ZNF236: variants seen among roughly 807,000 people sequenced by gnomAD.
ZNF236 encodes regulated by glucose.
ZNF236 carries 50 observed loss-of-function variants against 191.2 expected under a neutral mutation model. The ratio of observed to expected loss-of-function variants is 0.26; its 90% CI spans 0.21 to 0.33. The LOEUF (loss-of-function observed/expected upper bound fraction) is 0.33. Ranked by LOEUF, ZNF236 falls within the 10% of genes least tolerant of loss-of-function variation. ZNF236 has a pLI of 1.00. For synonymous variants in ZNF236, 907 were observed against 928.8 expected (o/e 0.98, Z 0.43); for missense variants, 1,754 against 2,374.5 (o/e 0.74, Z 5.43).
In ZNF236 at chr18:76,847,678, C is replaced by G. The variant is rs188638302; in HGVS notation, c.56-1848C>G. Among the ~76,000 whole-genome samples the G allele has an allele frequency of 4.1e-3, 623 of 152,174 alleles. 4 individuals carry two copies. Among genetic ancestry groups the G allele is most frequent in the Middle Eastern group, 6.8e-3 (2 of 294 alleles). ...TAGAGACAGGGTTTCACCGTGTTAG[C>G]CAGGATGGTCTTGATCTCCTGACTT... On this transcript the variant is annotated intron_variant, in intron 1 of 30. Coordinates refer to ENST00000320610, the MANE Select transcript of ZNF236 (RefSeq NM_001306089.2).
intron 1 of ZNF236, chr18:76,840,868 T>G (rs1242195131): frequency 6.7e-6 from 1 of 150,320 alleles, no homozygotes; most frequent in African/African-American, 2.5e-5. Flanking sequence ...TCGCCCAGGC[T>G]GGAGTGCAGT....
At position 76,828,913 on chromosome 18, in the gene ZNF236, C is replaced by T. The variant is rs554447887; in HGVS notation, c.55+6251C>T. Among the ~76,000 whole-genome samples, 42 of 152,204 alleles carry T rather than the reference C, an allele frequency of 2.8e-4. 1 individual carries two copies. Among genetic ancestry groups the T allele is most frequent in the African/African-American group, 9.9e-4 (41 of 41,546 alleles). On this transcript the variant is annotated intron_variant, in intron 1 of 30. Transcript: ENST00000320610. ...AACTCCTGAGCCAGGCAATCTGCCCCGCTTGGCCTCCCAGTGTTAGGATTA... is the reference window on the plus strand; with the variant it reads ...AACTCCTGAGCCAGGCAATCTGCCCTGCTTGGCCTCCCAGTGTTAGGATTA...
rs1976835775 is a variant in ZNF236 at position 76,880,023 on chromosome 18, G to GA, written c.985-89dup. ...ACTCTTAGATTTTAACACCCTTAAGGAGGGTATTGCCTGTTTTTTTTTTTT... is the reference window on the plus strand; with the variant it reads ...ACTCTTAGATTTTAACACCCTTAAGGAAGGGTATTGCCTGTTTTTTTTTTTT... On this transcript the variant is annotated intron_variant, in intron 7 of 30. Transcript: ENST00000320610. The surrounding 1 kb of genome is among the most constrained non-coding windows in gnomAD (Gnocchi z 5.0). The GA allele has an allele frequency of 8.9e-7, 1 of 1,126,234 alleles. No individual in the cohort carries two copies. The highest frequency in any genetic ancestry group is 1.3e-6 in the Non-Finnish European group (1 of 795,472). 69.8% of individuals were successfully genotyped at this position (1,126,234 alleles called of 1,614,324 possible).
At chr18:76,847,165 C>T (rs1975715120) in intron 1 of ZNF236, among the ~76,000 whole-genome samples, 1 of 152,092 alleles carries the variant, frequency 6.6e-6, no homozygotes. Flanking sequence ...TCAGTTAATT[C>T]CTTCTCATTT....
At chr18:76,845,066 G>T (rs925182553) in intron 1 of ZNF236, among the ~76,000 whole-genome samples, 3 of 152,094 alleles carry the variant, frequency 2.0e-5, no homozygotes, top group African/African-American at 7.2e-5. Context: ...TTATTTTTGG[G>T]GTGGTAAACA....
At chr18:76,910,235 C>A in intron 15 of ZNF236, 66 bp downstream of exon 15, 3 of 1,358,648 alleles carry the variant, frequency 2.2e-6, no homozygotes, top group Non-Finnish European at 3.1e-6. Context: ...AATCTCATGA[C>A]AACCTTACAT....
intron 19 of ZNF236, among the ~76,000 whole-genome samples, chr18:76,916,480 T>G (rs1365535078): frequency 6.6e-6 from 1 of 152,186 alleles, no homozygotes; most frequent in East Asian, 1.9e-4. Flanking sequence ...TTAATCTCAT[T>G]TTGTACGCTA....
At chr18:76,876,145 T>C (rs548498046) in intron 6 of ZNF236, among the ~76,000 whole-genome samples, 1 of 152,362 alleles carries the variant, frequency 6.6e-6, no homozygotes, top group South Asian at 2.1e-4. Flanking sequence ...TGTCCAGTCT[T>C]TCGACTAAAA....
At position 76,925,459 on chromosome 18, in the gene ZNF236, T is replaced by A; in HGVS notation, c.3932T>A (p.Phe1311Tyr). The change falls in exon 22 of 31, where the codon TTT becomes TAT. Residue 1311 changes from phenylalanine to tyrosine, a missense_variant. Around this residue, in one of 5 missense-constraint regions of ZNF236, gnomAD observed 606 missense variants for 761.5 expected, o/e 0.80. Transcript: ENST00000320610. This position sits in a 1 kb window ranked among gnomAD's most constrained non-coding sequence, Gnocchi z 5.7. ...TCCTCCTCTACTGACCCAAACGTGT[T>A]TATCATGAACAACTCTGTTCTAACA... ...LNSSSTDPNV[F>Y]IMNNSVLTGQ... 30 of 1,614,204 alleles carry A rather than the reference T, an allele frequency of 1.9e-5. No individual in the cohort carries two copies. The highest frequency in any genetic ancestry group is 2.5e-5 in the Non-Finnish European group (30 of 1,180,036).
At chr18:76,876,152 A>G (rs1376564539) in intron 6 of ZNF236, among the ~76,000 whole-genome samples, 1 of 152,254 alleles carries the variant, frequency 6.6e-6, no homozygotes, top group Non-Finnish European at 1.5e-5. Context: ...TCTTTCGACT[A>G]AAATGATGAT....
chr18:76,843,775 CAAAAAAAAAAAA>C (rs780026489), intron 1 of ZNF236, among the ~76,000 whole-genome samples: 1,133 of 8,258 alleles, frequency 0.14, 55 homozygotes, highest in Middle Eastern at 0.5. Context: ...GACTCCGTCT[CAAAAAAAAAAAA>C]AAAAAAAAAA....
intron 4 of ZNF236, among the ~76,000 whole-genome samples, chr18:76,870,809 G>A (rs1055237906): frequency 2.0e-5 from 3 of 152,170 alleles, no homozygotes; most frequent in African/African-American, 7.2e-5. Context: ...CTGAGAAGCA[G>A]GAAGGTGGCT....
intron 27 of ZNF236, among the ~76,000 whole-genome samples, chr18:76,952,286 C>A (rs983597839): frequency 3.3e-5 from 5 of 152,242 alleles, no homozygotes; most frequent in Non-Finnish European, 5.9e-5. Flanking sequence ...GAGAAATTCT[C>A]TTAGATGTTT....
At chr18:76,885,912 A>C (rs1405915162) in intron 9 of ZNF236, 5 of 152,372 alleles carry the variant, frequency 3.3e-5, no homozygotes, top group Non-Finnish European at 7.3e-5. Context: ...GCCTCTGAAC[A>C]GCCACGCCAT....
chr18:76,965,593 C>T (rs1357978248), intron 30 of ZNF236, among the ~76,000 whole-genome samples: 1 of 152,218 alleles, frequency 6.6e-6, no homozygotes, highest in Non-Finnish European at 1.5e-5. Flanking sequence ...TGATATAGTA[C>T]TCCCCGCCTT....
chr18:76,945,025 T>C (rs1968223153), intron 26 of ZNF236, among the ~76,000 whole-genome samples: 1 of 150,414 alleles, frequency 6.6e-6, no homozygotes, highest in Non-Finnish European at 1.5e-5. Flanking sequence ...TAAGCCAAGA[T>C]ACAGAATATT....
chr18:76,927,554 G>A lies in ZNF236; in HGVS notation c.4414+37G>A. ...TCACTTTTGCTTATTTTGACAGCTG[G>A]AGTTTCAGTTTCTTGCTTGTGATTA... On this transcript the variant is annotated intron_variant, in intron 24 of 30. Transcript: ENST00000320610. This position sits in a 1 kb window ranked among gnomAD's most constrained non-coding sequence, Gnocchi z 5.4. The A allele has an allele frequency of 6.3e-7, 1 of 1,586,044 alleles. No homozygotes were observed. The highest frequency in any genetic ancestry group is 2.2e-5 in the East Asian group (1 of 44,456).
chr18:76,893,183 G>A (rs1299092148), intron 9 of ZNF236, among the ~76,000 whole-genome samples: 2 of 152,146 alleles, frequency 1.3e-5, no homozygotes, highest in African/African-American at 4.8e-5. Context: ...CTGGGGAATG[G>A]TGTCCTAATT....
At chr18:76,862,402 C>T (rs1187870667) in intron 3 of ZNF236, among the ~76,000 whole-genome samples, 1 of 152,166 alleles carries the variant, frequency 6.6e-6, no homozygotes, top group Non-Finnish European at 1.5e-5. Flanking sequence ...CTATCCCATT[C>T]TGCCCCCGTC....
Sources: gnomAD v4.1 joint callset for allele counts (sites outside exome capture counted in the v4.1 genomes callset) on GRCh38, gnomAD v4.1.1 for gene constraint, gnomAD v4.1.1 regional missense constraint, Gnocchi (gnomAD v3.1) non-coding constraint, MANE v1.5 for transcripts, NCBI Gene and HGNC (gene_info 2026-07-23, HGNC 2026-07-21) for gene names.